Variants in IGF1R observed in about 807,000 individuals in gnomAD.
IGF1R encodes insulin like growth factor 1 receptor, also known as insulin-like growth factor 1 receptor.
In IGF1R, 44 loss-of-function variants were observed where a neutral mutation model predicts 144.6. The ratio of observed to expected loss-of-function variants is 0.30; its 90% confidence interval spans 0.24 to 0.39. IGF1R has a LOEUF of 0.39. Ranked by LOEUF, IGF1R falls within the 10% of genes least tolerant of loss-of-function variation. The pLI, the probability that IGF1R is intolerant of heterozygous loss-of-function variation, is 1.00. For synonymous variants in IGF1R, 795 were observed against 722.8 expected, an observed-to-expected ratio of 1.10 and a Z score of -1.60; for missense variants, 1,355 against 1,833.7, an observed-to-expected ratio of 0.74 and a Z score of 4.77.
intron 2 of IGF1R, among the ~76,000 whole-genome samples, chr15:98,766,268 G>A (rs2055436096): frequency 6.6e-6 from 1 of 152,202 alleles, no homozygotes; most frequent in Non-Finnish European, 1.5e-5. Flanking sequence ...TCCAAGCGAT[G>A]AATATAAATC....
intron 1 of IGF1R, among the ~76,000 whole-genome samples, chr15:98,673,483 C>G (rs2052951288): frequency 6.6e-6 from 1 of 152,162 alleles, no homozygotes; most frequent in Non-Finnish European, 1.5e-5. Context: ...AGAAAAGACT[C>G]AAATCCCTGG....
In IGF1R at chr15:98,916,904, G is replaced by C. The variant is rs774031158; in HGVS notation, c.2201+28G>C. On this transcript the variant is annotated intron_variant, in intron 10 of 20. Coordinates refer to ENST00000650285, the MANE Select transcript of IGF1R (RefSeq NM_000875.5). ...ACCCAGCTCATGTGAAATTTCAGTT[G>C]GCAAAACCCACTGCTCAGGCCGGTT... The C allele has an allele frequency of 7.5e-6, 12 of 1,602,586 alleles. No individual in the cohort carries two copies. In the African/African-American group the frequency reaches 1.1e-4, roughly 14 times the overall value.
At chr15:98,917,431 G>A (rs537759262) in intron 10 of IGF1R, among the ~76,000 whole-genome samples, 18 of 152,312 alleles carry the variant, frequency 1.2e-4, no homozygotes, top group Admixed American at 2.6e-4. Flanking sequence ...TGTTTATTCC[G>A]TGGTTACTCT....
chr15:98,879,938 G>A (rs1215284835), intron 2 of IGF1R, among the ~76,000 whole-genome samples: 2 of 152,310 alleles, frequency 1.3e-5, no homozygotes, highest in East Asian at 1.9e-4. Context: ...CAAATCTATA[G>A]CGACGAAAAG....
chr15:98,956,938 G>A, intron 20 of IGF1R, 123 bp from the exon 21 acceptor site: 2 of 1,092,580 alleles, frequency 1.8e-6, no homozygotes, highest in Non-Finnish European at 2.8e-6. Context: ...AGGGGCAGCA[G>A]GGCTGTGTTC....
In IGF1R at chr15:98,891,811, C is replaced by G. The variant is rs924715579; in HGVS notation, c.953+174C>G. ...TAAATGTTTGGTGAGATTCTAGGAACAATTGGCATGGCTTACCGCCCCCCT... is the reference window on the plus strand; with the variant it reads ...TAAATGTTTGGTGAGATTCTAGGAAGAATTGGCATGGCTTACCGCCCCCCT... On this transcript the variant is annotated intron_variant, in intron 3 of 20. Transcript: ENST00000650285. The surrounding 1 kb of genome is among the most constrained non-coding windows in gnomAD (Gnocchi z 4.7). Among the ~76,000 whole-genome samples the G allele has an allele frequency of 6.6e-6, 1 of 152,214 alleles. No homozygotes were observed. Among genetic ancestry groups the G allele is most frequent in the African/African-American group, 2.4e-5 (1 of 41,448 alleles).
At position 98,683,035 on chromosome 15, in the gene IGF1R, T is replaced by C. The variant is rs149468686; in HGVS notation, c.95-24527T>C. On this transcript the variant is annotated intron_variant, in intron 1 of 20. Coordinates refer to ENST00000650285, the MANE Select transcript of IGF1R (RefSeq NM_000875.5). ...TGTATCTCGTGTGCACTGCTAGATATTCTGATCACACAGTGCTGAGATTAC... is the reference window on the plus strand; with the variant it reads ...TGTATCTCGTGTGCACTGCTAGATACTCTGATCACACAGTGCTGAGATTAC... Among the ~76,000 whole-genome samples, 20 of 151,062 alleles carry C rather than the reference T, an allele frequency of 1.3e-4. No homozygotes were observed. In the East Asian group the frequency reaches 3.9e-3, roughly 29 times the overall value.
intron 2 of IGF1R, among the ~76,000 whole-genome samples, chr15:98,765,689 T>C (rs2141361563): frequency 6.6e-6 from 1 of 152,272 alleles, no homozygotes; most frequent in African/African-American, 2.4e-5. Flanking sequence ...GAAAGCTCTT[T>C]AAAAAGAAAA....
intron 2 of IGF1R, among the ~76,000 whole-genome samples, chr15:98,804,173 T>C (rs1459066073): frequency 6.6e-6 from 1 of 152,230 alleles, no homozygotes; most frequent in Non-Finnish European, 1.5e-5. Context: ...GCAGTACACA[T>C]GTGTGGTCAC....
intron 20 of IGF1R, among the ~76,000 whole-genome samples, chr15:98,954,590 A>C (rs143795346): frequency 1.5e-3 from 234 of 152,302 alleles, no homozygotes; most frequent in African/African-American, 5.1e-3. Context: ...AAGAGGCGTC[A>C]CATGGCTTGT....
intron 20 of IGF1R, among the ~76,000 whole-genome samples, chr15:98,951,431 C>T (rs2016769643): frequency 6.6e-6 from 1 of 152,274 alleles, no homozygotes; most frequent in South Asian, 2.1e-4. Flanking sequence ...AGAAATTCTT[C>T]TTCTCCCCTT....
At chr15:98,895,253 C>CAG (rs1266230921) in intron 3 of IGF1R, among the ~76,000 whole-genome samples, 1 of 104,132 alleles carries the variant, frequency 9.6e-6, no homozygotes, top group Non-Finnish European at 2.5e-5. Context: ...CACACACACA[C>CAG]ACACACACAC....
chr15:98,957,256 C>A lies in IGF1R; in HGVS notation c.3918C>A (p.Asp1306Glu). ...AGAACATGGAGAGCGTCCCCCTGGACCCCTCGGCCTCCTCGTCCTCCCTGC... is the reference window on the plus strand; with the variant it reads ...AGAACATGGAGAGCGTCCCCCTGGAACCCTCGGCCTCCTCGTCCTCCCTGC... ...EPENMESVPL[D>E]PSASSSSLPL... The change falls in exon 21 of 21, where the codon GAC (aspartate) becomes GAA (glutamate). Residue 1306 changes from aspartate (D) to glutamate (E), a missense_variant. Asp to Glu is a conservative substitution (Grantham distance 45). Around this residue, in one of 7 missense-constraint regions of IGF1R, gnomAD observed 219 missense variants for 188.8 expected, o/e 1.16. Coordinates refer to ENST00000650285, the MANE Select transcript of IGF1R (RefSeq NM_000875.5). 1 of 1,614,142 alleles carries A rather than the reference C, an allele frequency of 6.2e-7. No homozygotes were observed. The highest frequency in any genetic ancestry group is 8.5e-7 in the Non-Finnish European group (1 of 1,180,022).
At chr15:98,835,073 C>T (rs1025094713) in intron 2 of IGF1R, among the ~76,000 whole-genome samples, 3 of 86,242 alleles carry the variant, frequency 3.5e-5, no homozygotes, top group Non-Finnish European at 2.4e-5. Context: ...CAAGAGAACA[C>T]CCCCCCTACA....
At chr15:98,918,999 C>CT (rs1054653881) in intron 10 of IGF1R, among the ~76,000 whole-genome samples, 2 of 152,186 alleles carry the variant, frequency 1.3e-5, no homozygotes, top group African/African-American at 4.8e-5. Flanking sequence ...GAATGTGAAC[C>CT]TTGAGGTTCA....
intron 15 of IGF1R, among the ~76,000 whole-genome samples, chr15:98,931,696 TAAAAAAAAAAA>T (rs61131708): frequency 1.4e-5 from 2 of 146,356 alleles, no homozygotes; most frequent in Admixed American, 6.8e-5. Context: ...TCTTTCCCTT[TAAAAAAAAAAA>T]AAAAAAAAAA....
At chr15:98,786,577 A>G (rs756839324) in intron 2 of IGF1R, among the ~76,000 whole-genome samples, 5 of 152,230 alleles carry the variant, frequency 3.3e-5, no homozygotes, top group African/African-American at 4.8e-5. Flanking sequence ...ATTTCAGTCA[A>G]GTATTCTAAG....
intron 2 of IGF1R, among the ~76,000 whole-genome samples, chr15:98,746,449 C>T (rs1006689492): frequency 2.0e-5 from 3 of 152,136 alleles, no homozygotes; most frequent in Non-Finnish European, 2.9e-5. Flanking sequence ...TGAGTGCATG[C>T]CTCCTGGATA....
chr15:98,872,128 C>G (rs562112282), intron 2 of IGF1R, among the ~76,000 whole-genome samples: 1 of 152,302 alleles, frequency 6.6e-6, no homozygotes, highest in Admixed American at 6.5e-5. Flanking sequence ...CTTGGGTAAA[C>G]CCATGTCCAA....
Sources: gnomAD v4.1 joint callset for allele counts (sites outside exome capture counted in the v4.1 genomes callset) on GRCh38, gnomAD v4.1.1 for gene constraint, gnomAD v4.1.1 regional missense constraint, Gnocchi (gnomAD v3.1) non-coding constraint, MANE v1.5 for transcripts, NCBI Gene and HGNC (gene_info 2026-07-23, HGNC 2026-07-21) for gene names.